Variants in ADAMTS17 observed in about 807,000 individuals in gnomAD.
The protein encoded by ADAMTS17 is A disintegrin and metalloproteinase with thrombospondin motifs 17.
A neutral mutation model predicts 141.5 loss-of-function variants in ADAMTS17; 113 were observed. The observed-to-expected ratio is 0.80, with a 90% CI of 0.69 to 0.93. The LOEUF (loss-of-function observed/expected upper bound fraction) is 0.93, where lower values mean the gene tolerates loss of function less well. Among genes scored for constraint, ADAMTS17 ranks in the 40% least tolerant of loss-of-function variants. ADAMTS17 has a pLI of 0.00. For missense variants in ADAMTS17, 1,659 were observed against 1,517.9 expected (o/e 1.09, Z -1.54); for synonymous variants, 768 against 630.6 (o/e 1.22, Z -3.27).
chr15:100,102,231 G>A (rs1462841187), intron 14 of ADAMTS17, among the ~76,000 whole-genome samples: 1 of 152,150 alleles, frequency 6.6e-6, no homozygotes, highest in Non-Finnish European at 1.5e-5. Flanking sequence ...AATAGCAGAT[G>A]ATGTCTGGTT....
At position 100,102,534 on chromosome 15, in the gene ADAMTS17, G is replaced by A. The variant is rs533131095; in HGVS notation, c.2017-6058C>T. 8.6e-5 allele frequency among the ~76,000 whole-genome samples: 11 copies of A among 127,510 alleles called. No individual in the cohort carries two copies. The East Asian group carries it at 1.2e-3, about 14-fold the overall frequency. 83.7% of individuals were successfully genotyped at this position (127,510 alleles called of 152,430 possible). A position where few individuals can be genotyped will look rare whatever the true frequency, so the allele number is the denominator to read the frequency against. On this transcript the variant is annotated intron_variant, in intron 14 of 21. Coordinates refer to ENST00000268070, the MANE Select transcript of ADAMTS17 (RefSeq NM_139057.4). ...GGGGATCTACATTTGAGGGCCGACC[G>A]AAGGGGATCTACATTTGAAGGCCGA...
chr15:100,201,817 T>A (rs903688423), intron 7 of ADAMTS17, among the ~76,000 whole-genome samples: 1 of 152,148 alleles, frequency 6.6e-6, no homozygotes, highest in African/African-American at 2.4e-5. Context: ...GCCTTCAAGG[T>A]CATTATTCTG....
At chr15:99,977,384 A>T (rs1228926573) in intron 20 of ADAMTS17, among the ~76,000 whole-genome samples, 3,263 of 14,748 alleles carry the variant, frequency 0.22, 934 homozygotes, top group Non-Finnish European at 0.27. Context: ...ATATATATAT[A>T]TATATATATA....
chr15:100,281,234 T>A lies in ADAMTS17; in HGVS notation c.784A>T (p.Asn262Tyr), dbSNP rs750704177. The change falls in exon 4 of 22, where the codon AAC becomes TAC. Residue 262 changes from asparagine (N) to tyrosine (Y), a missense_variant. Coordinates refer to ENST00000268070, the MANE Select transcript of ADAMTS17 (RefSeq NM_139057.4). ...AAQRFILTVM[N>Y]MVYNMFQHQS... Reference sequence around the variant, plus strand: ...GACCCCGGCTCCGGACTCACCATGTTCATGACGGTCAGGATGAACCTCTGG... The same window carrying A: ...GACCCCGGCTCCGGACTCACCATGTACATGACGGTCAGGATGAACCTCTGG... 6 of 1,604,900 alleles carry A rather than the reference T, an allele frequency of 3.7e-6. No individual in the cohort carries two copies. Among genetic ancestry groups the A allele is most frequent in the Non-Finnish European group, 2.5e-6 (3 of 1,179,956 alleles).
intron 7 of ADAMTS17, 136 bp downstream of exon 7, chr15:100,254,000 G>T (rs1286569052): frequency 4.8e-6 from 4 of 832,836 alleles, no homozygotes; most frequent in Non-Finnish European, 4.0e-6. Flanking sequence ...GAAAGTCAAA[G>T]ACCAACTTAC....
chr15:100,036,047 G>A (rs1171704693), intron 18 of ADAMTS17, among the ~76,000 whole-genome samples: 3 of 152,348 alleles, frequency 2.0e-5, no homozygotes, highest in East Asian at 1.9e-4. Flanking sequence ...CTATGGGAGG[G>A]TGTCTCCAAT....
Position 100,132,076 on chromosome 15 carries a change from G to A in ADAMTS17, c.1652C>T (p.Ala551Val). ...HVDGDWSPWG[A>V]WSMCSRTCGT... Reference sequence around the variant, plus strand: ...ACATGTTCGGCTGCACATGCTCCAGGCGCCCCACGGGCTCCAGTCTCCGTC... The same window carrying A: ...ACATGTTCGGCTGCACATGCTCCAGACGCCCCACGGGCTCCAGTCTCCGTC... Residue 551 changes from alanine to valine, a missense_variant, in exon 12 of 22, where the codon GCC becomes GTC. Transcript: ENST00000268070. 1 of 1,614,174 alleles carries A rather than the reference G, an allele frequency of 6.2e-7. No homozygotes were observed. Among genetic ancestry groups the A allele is most frequent in the Non-Finnish European group, 8.5e-7 (1 of 1,180,040 alleles).
intron 7 of ADAMTS17, among the ~76,000 whole-genome samples, chr15:100,234,179 G>A (rs939794443): frequency 3.9e-5 from 6 of 152,166 alleles, no homozygotes; most frequent in African/African-American, 1.2e-4. Context: ...AGGTGGAGTG[G>A]ACAGGCATTG....
At chr15:100,086,723 A>C (rs1567150188) in intron 15 of ADAMTS17, among the ~76,000 whole-genome samples, 2 of 148,662 alleles carry the variant, frequency 1.3e-5, no homozygotes, top group Non-Finnish European at 2.9e-5. Context: ...AAACTGAAAA[A>C]TATGCTCCTG....
intron 18 of ADAMTS17, among the ~76,000 whole-genome samples, chr15:100,016,401 G>T (rs934881645): frequency 6.6e-6 from 1 of 152,124 alleles, no homozygotes; most frequent in Non-Finnish European, 1.5e-5. Flanking sequence ...TCCATTGCTG[G>T]TGAACAAGTG....
chr15:100,091,028 A>AAAAAAAAAG (rs369355348), intron 15 of ADAMTS17, among the ~76,000 whole-genome samples: 59 of 143,620 alleles, frequency 4.1e-4, no homozygotes, highest in African/African-American at 1.6e-3. Context: ...AAAAAAAAAA[A>AAAAAAAAAG]GGGTAACCAA....
intron 10 of ADAMTS17, 70 bp downstream of exon 10, chr15:100,152,542 G>A (rs1596571501): frequency 2.5e-6 from 4 of 1,602,254 alleles, no homozygotes; most frequent in East Asian, 2.2e-5. Flanking sequence ...TCCTCCAGCA[G>A]AAGCCAGACC....
In ADAMTS17 at chr15:100,140,488, C is replaced by CATATATATATATATATAT. The variant is rs60035034; in HGVS notation, c.1474-7191_1474-7174dup. The stretch of plus-strand genomic sequence containing the variant: ...ACACACAGACACACACACATACATA[C>CATATATATATATATATAT]ATATATATATATATATATATCCAGT... On this transcript the variant is annotated intron_variant, in intron 10 of 21. Coordinates refer to ENST00000268070, the MANE Select transcript of ADAMTS17 (RefSeq NM_139057.4). Among the ~76,000 whole-genome samples the CATATATATATATATATAT allele has an allele frequency of 9.3e-3, 1,156 of 124,858 alleles. 38 individuals carry two copies. The highest frequency in any genetic ancestry group is 0.012 in the Non-Finnish European group (679 of 56,856). The allele number at this position is 124,858 out of a possible 152,430, so 81.9% of individuals were successfully genotyped here.
At chr15:99,976,431 C>T (rs144353291) in intron 20 of ADAMTS17, 3 of 685,056 alleles carry the variant, frequency 4.4e-6, no homozygotes, top group Middle Eastern at 3.9e-4. Flanking sequence ...GGGACGATGG[C>T]CTCACAATGT....
At chr15:100,319,179 C>T (rs2045654473) in intron 3 of ADAMTS17, among the ~76,000 whole-genome samples, 1 of 152,200 alleles carries the variant, frequency 6.6e-6, no homozygotes, top group Admixed American at 6.5e-5. Flanking sequence ...CAGGGGGTGG[C>T]CTTGAGCCAA....
chr15:100,165,853 T>C (rs1327676562), intron 8 of ADAMTS17, among the ~76,000 whole-genome samples: 3 of 152,068 alleles, frequency 2.0e-5, no homozygotes, highest in African/African-American at 4.8e-5. Flanking sequence ...ATAGAGGGAG[T>C]AGAAGCAATG....
chr15:100,338,073 G>A (rs1274930629), intron 2 of ADAMTS17, among the ~76,000 whole-genome samples: 3 of 152,182 alleles, frequency 2.0e-5, no homozygotes, highest in Non-Finnish European at 4.4e-5. Context: ...TAAATACAAT[G>A]AAGAAGCATA....
chr15:99,999,594 C>T (rs1268138663), intron 18 of ADAMTS17, among the ~76,000 whole-genome samples: 1 of 152,184 alleles, frequency 6.6e-6, no homozygotes, highest in Non-Finnish European at 1.5e-5. Context: ...GGTGAGATAC[C>T]TAGGGCCTGG....
At chr15:100,259,212 A>G (rs944494813) in intron 6 of ADAMTS17, among the ~76,000 whole-genome samples, 2 of 152,244 alleles carry the variant, frequency 1.3e-5, no homozygotes, top group Admixed American at 1.3e-4. Flanking sequence ...AAAGTCTTTC[A>G]GACCAAATAT....
Sources: gnomAD v4.1 joint callset for allele counts (sites outside exome capture counted in the v4.1 genomes callset) on GRCh38, gnomAD v4.1.1 for gene constraint, MANE v1.5 for transcripts, NCBI Gene and HGNC (gene_info 2026-07-23, HGNC 2026-07-21) for gene names.